Variants in PGAP6 observed in about 807,000 individuals in gnomAD.
PGAP6 encodes post-GPI attachment to proteins 6, also known as post-GPI attachment to proteins factor 6.
Under a neutral mutation model 68.4 loss-of-function variants are expected in PGAP6, and 62 were observed. That is an observed-to-expected ratio of 0.91 (90% CI 0.74 to 1.12). The LOEUF (loss-of-function observed/expected upper bound fraction) is 1.12. Ranked by LOEUF, PGAP6 falls within the 50% of genes most tolerant of loss-of-function variation. The pLI, the probability that PGAP6 is intolerant of heterozygous loss-of-function variation, is 0.00. For synonymous variants in PGAP6, 575 were observed against 474.0 expected, an observed-to-expected ratio of 1.21 and a Z score of -2.77; for missense variants, 1,188 against 1,068.5, an observed-to-expected ratio of 1.11 and a Z score of -1.56.
chr16:377,889 T>C (rs774300808), intron 1 of PGAP6, 41 bp from the exon 2 acceptor site: 47 of 1,505,948 alleles, frequency 3.1e-5, no homozygotes, highest in Non-Finnish European at 4.1e-5. Flanking sequence ...GGGACCCTCC[T>C]CCAGGGCCGC....
chr16:381,425 G>T (rs916545652), intron 1 of PGAP6, among the ~76,000 whole-genome samples: 3 of 152,026 alleles, frequency 2.0e-5, no homozygotes, highest in African/African-American at 7.2e-5. Context: ...GGACCTGGGC[G>T]CTCTGGGAGG....
upstream of PGAP6, chr16:384,108 T>G (rs2054466532): frequency 2.0e-5 from 3 of 152,394 alleles, no homozygotes; most frequent in Admixed American, 2.0e-4. Context: ...TGTGCCGGAC[T>G]GCACCCAGCA....
intron 2 of PGAP6, 22 bp from the exon 3 acceptor site, chr16:377,607 C>G (rs778804894): frequency 6.4e-7 from 1 of 1,563,936 alleles, no homozygotes; most frequent in African/African-American, 1.4e-5. Context: ...AGAGCAGCAC[C>G]GGGTTCAGGC....
intron 10 of PGAP6, 26 bp downstream of exon 10, chr16:374,195 C>T: frequency 6.2e-7 from 1 of 1,610,606 alleles, no homozygotes; most frequent in Non-Finnish European, 8.5e-7. Context: ...TCCCACCCCA[C>T]ATCCCTGCAG....
At chr16:374,503 C>CAAGCAG in intron 9 of PGAP6, 104 bp from the exon 10 acceptor site, 1 of 1,325,254 alleles carries the variant, frequency 7.5e-7, no homozygotes. Flanking sequence ...CACCCAGGAG[C>CAAGCAG]AAGCAGGGTA....
At chr16:377,628 G>C (rs1412920357) in intron 2 of PGAP6, 43 bp from the exon 3 acceptor site, 1 of 1,569,418 alleles carries the variant, frequency 6.4e-7, no homozygotes, top group Non-Finnish European at 8.6e-7. Context: ...ACAGGGCTTG[G>C]CCAGGCGCGG....
Position 372,605 on chromosome 16 carries a change from C to T in PGAP6, c.2019+6G>A. The T allele has an allele frequency of 6.2e-7, 1 of 1,608,216 alleles. No individual in the cohort carries two copies. Among genetic ancestry groups the T allele is most frequent in the Non-Finnish European group, 8.5e-7 (1 of 1,176,886 alleles). On this transcript the variant is annotated splice_donor_region_variant and intron_variant, in intron 12 of 12. Coordinates refer to ENST00000431232, the MANE Select transcript of PGAP6 (RefSeq NM_021259.3). ...GGCAGCAGTGCCAGCCAGCCCGGCT[C>T]CTTACCCACATGGAGGCCATGATCA...
At chr16:375,532 T>TA in intron 6 of PGAP6, 97 bp from the exon 7 acceptor site, 14 of 1,004,954 alleles carry the variant, frequency 1.4e-5, no homozygotes, top group Non-Finnish European at 2.1e-5. Context: ...CTGGTGCCTT[T>TA]CTTTTTTTTT....
In PGAP6 at chr16:376,601, C is replaced by T. The variant is rs2141760723; in HGVS notation, c.847G>A (p.Glu283Lys). Residue 283 changes from glutamate (E) to lysine (K), a missense_variant, in exon 5 of 13, where the codon GAG becomes AAG. Glu to Lys is a moderately conservative substitution (Grantham distance 56). Coordinates refer to ENST00000431232, the MANE Select transcript of PGAP6 (RefSeq NM_021259.3). ...PWDRWLQVTA[E>K]SLVGPLGTVA... ...GTCCCGAGGGGCCCCACCAGGCTCT[C>T]AGCTGTCACTTGCAGCCACCGGTCC... The T allele has an allele frequency of 6.3e-7, 1 of 1,588,558 alleles. No individual in the cohort carries two copies. Among genetic ancestry groups the T allele is most frequent in the South Asian group, 1.1e-5 (1 of 87,208 alleles).
chr16:381,613 G>T, intron 1 of PGAP6, 88 bp downstream of exon 1: 2 of 1,046,332 alleles, frequency 1.9e-6, no homozygotes, highest in Non-Finnish European at 1.2e-6. Flanking sequence ...CGCCAGATGA[G>T]CGCACAGGTG....
rs962026735 is a variant in PGAP6 at position 379,315 on chromosome 16, A to G, written c.122-1467T>C. 2.2e-4 allele frequency among the ~76,000 whole-genome samples: 34 copies of G among 152,330 alleles called. No individual in the cohort carries two copies. The East Asian group carries it at 6.6e-3, about 29-fold the overall frequency. On this transcript the variant is annotated intron_variant, in intron 1 of 12. Coordinates refer to ENST00000431232, the MANE Select transcript of PGAP6 (RefSeq NM_021259.3). ...CGTGACCCTCCCATAGAGGCACCAGAAGAAACGATACACCTGCCAATAGCA... is the reference window on the plus strand; with the variant it reads ...CGTGACCCTCCCATAGAGGCACCAGGAGAAACGATACACCTGCCAATAGCA...
Position 374,200 on chromosome 16 carries a change from C to T in PGAP6, c.1755+21G>A, listed in dbSNP as rs543414631. The T allele has an allele frequency of 4.3e-6, 7 of 1,610,598 alleles. No homozygotes were observed. In the East Asian group the frequency reaches 1.6e-4, roughly 36 times the overall value. On this transcript the variant is annotated intron_variant, in intron 10 of 12. Coordinates refer to ENST00000431232, the MANE Select transcript of PGAP6 (RefSeq NM_021259.3). ...GGTCCTGCCCTCCCACCCCACATCC[C>T]TGCAGGAGGGGCCAGCCTACCGTGG... is the stretch of plus-strand genomic sequence containing the variant.
rs748690693 is a variant in PGAP6 at position 377,708 on chromosome 16, C to T, written c.262G>A (p.Glu88Lys). 2 of 1,594,610 alleles carry T rather than the reference C, an allele frequency of 1.3e-6. No homozygotes were observed. Among genetic ancestry groups the T allele is most frequent in the South Asian group, 2.3e-5 (2 of 88,308 alleles). Residue 88 changes from glutamate to lysine, a missense_variant, in exon 2 of 13, where the codon GAG becomes AAG. Transcript: ENST00000431232. Reference sequence around the variant, plus strand: ...GCGTCGGTGCAGGCAGCGCCGCTCTCCCGGGAGACCTGCAGGAGCCAGCGT... The same window carrying T: ...GCGTCGGTGCAGGCAGCGCCGCTCTTCCGGGAGACCTGCAGGAGCCAGCGT... ...LLRWLLQVSR[E>K]SGAACTDAEI... is the part of the protein sequence containing the mutation.
Position 374,158 on chromosome 16 carries a change from G to C in PGAP6, c.1756-7C>G. 4 of 1,610,832 alleles carry C rather than the reference G, an allele frequency of 2.5e-6. No homozygotes were observed. Among genetic ancestry groups the C allele is most frequent in the Middle Eastern group, 1.6e-4 (1 of 6,062 alleles). ...GGTCGCAGGCGTGGTAGAACTGTGG[G>C]GAGGCTCCATGAGCGCGGTCCTGCC... On this transcript the variant is annotated splice_region_variant and splice_polypyrimidine_tract_variant and intron_variant, in intron 10 of 12. Coordinates refer to ENST00000431232, the MANE Select transcript of PGAP6 (RefSeq NM_021259.3).
chr16:382,036 G>A, upstream of PGAP6: 1 of 724,804 alleles, frequency 1.4e-6, no homozygotes, highest in Non-Finnish European at 1.7e-6. Flanking sequence ...GGGGTCGGGG[G>A]GCGGGACCGG....
upstream of PGAP6, chr16:382,058 A>C: frequency 6.8e-6 from 3 of 442,828 alleles, no homozygotes; most frequent in African/African-American, 2.5e-5. Flanking sequence ...GGGGGCGCGG[A>C]CGCCGGGGGG....
chr16:373,813 C>G (rs28461437), intron 11 of PGAP6, among the ~76,000 whole-genome samples, 192 bp downstream of exon 11: 95,667 of 151,040 alleles, frequency 0.63, 31,465 homozygotes, highest in African/African-American at 0.83. Context: ...TCGGCCAAGG[C>G]ATTACAGGTG....
In PGAP6 at chr16:376,244, G is replaced by C. The variant is rs766879740; in HGVS notation, c.1116C>G (p.Asp372Glu). The change falls in exon 6 of 13, where the codon GAC becomes GAG. Residue 372 changes from aspartate (D) to glutamate (E), a missense_variant. Physicochemically the swap from Asp to Glu is conservative, Grantham distance 45. Transcript: ENST00000431232. ...CCGAACACACCCTCACCGAGACCCT[G>C]TCCAGGGGCTGGAAGTGCACCGACA... is the stretch of plus-strand genomic sequence containing the variant. ...DVVSVHFQPL[D>E]RVSVRVCSDT... is the part of the protein sequence containing the mutation. The C allele has an allele frequency of 3.7e-6, 6 of 1,612,888 alleles. No individual in the cohort carries two copies. The highest frequency in any genetic ancestry group is 4.2e-6 in the Non-Finnish European group (5 of 1,180,008).
chr16:372,854 A>G (rs2054347379), intron 11 of PGAP6, 127 bp from the exon 12 acceptor site: 5 of 649,504 alleles, frequency 7.7e-6, no homozygotes, highest in Non-Finnish European at 1.3e-5. Flanking sequence ...CCCTCAGACC[A>G]GCTCTGCCAG....
Sources: gnomAD v4.1 joint callset for allele counts (sites outside exome capture counted in the v4.1 genomes callset) on GRCh38, gnomAD v4.1.1 for gene constraint, MANE v1.5 for transcripts, NCBI Gene and HGNC (gene_info 2026-07-23, HGNC 2026-07-21) for gene names.